The following PCDH19 variants were observed in gnomAD, a reference collection of about 807,000 sequenced individuals.
PCDH19 encodes the protein protocadherin-19.
In PCDH19, 6 loss-of-function variants were observed where a neutral mutation model predicts 46.2. The ratio of observed to expected loss-of-function variants is 0.13; its 90% confidence interval spans 0.07 to 0.26. The LOEUF (loss-of-function observed/expected upper bound fraction) is 0.26, where lower values mean the gene tolerates loss of function less well. Ranked by LOEUF, PCDH19 falls within the 10% of genes least tolerant of loss-of-function variation. The probability of loss-of-function intolerance (pLI) is 1.00; values close to 1 mark genes in which losing one functional copy is unlikely to be tolerated. For synonymous variants in PCDH19, 481 were observed against 415.7 expected, an observed-to-expected ratio of 1.16 and a Z score of -1.91; for missense variants, 740 against 972.3, an observed-to-expected ratio of 0.76 and a Z score of 3.18.
At chrX:100,389,086 A>G (rs1306266822) in intron 3 of PCDH19, among the ~76,000 whole-genome samples, 1 of 110,879 alleles carries the variant, frequency 9.0e-6, no homozygotes, top group Non-Finnish European at 1.9e-5. Context: ...CTCTTTATAT[A>G]TAAGGGTATT....
Position 100,296,748 on chromosome X carries a change from C to T in PCDH19, c.2976G>A (p.Ala992=), listed in dbSNP as rs772345040. 1.3e-5 allele frequency: 16 copies of T among 1,209,158 alleles called. No homozygotes were observed. In the African/African-American group the frequency reaches 1.8e-4, roughly 13 times the overall value. The part of the protein sequence containing the change: ...KSPEHVRNII[A]LSIEATAADV... The stretch of plus-strand genomic sequence containing the variant: ...CAGCAGCAGTAGCTTCAATAGACAG[C>T]GCGATGATGTTCCTCACATGCTCAG... Residue 992 remains alanine, a synonymous_variant, in exon 6 of 6, where the codon GCG becomes GCA. Coordinates refer to ENST00000373034, the MANE Select transcript of PCDH19 (RefSeq NM_001184880.2).
chrX:100,348,541 T>A (rs915746454), intron 4 of PCDH19, among the ~76,000 whole-genome samples: 3 of 111,865 alleles, frequency 2.7e-5, no homozygotes, highest in Non-Finnish European at 5.6e-5. Context: ...AGTTTTCAGA[T>A]GTTTCCTCTT....
chrX:100,296,986 T>G, intron 5 of PCDH19, 111 bp from the exon 6 acceptor site: 3 of 682,822 alleles, frequency 4.4e-6, no homozygotes, highest in Non-Finnish European at 7.0e-6. Flanking sequence ...GAAATGGCAC[T>G]TTTAGGTAGT....
chrX:100,403,435 G>A (rs1322616245), intron 2 of PCDH19, 89 bp downstream of exon 2: 9 of 809,069 alleles, frequency 1.1e-5, no homozygotes, highest in South Asian at 2.2e-5. Context: ...GCCCTAGCCC[G>A]GTTCCCTTTT....
intron 4 of PCDH19, among the ~76,000 whole-genome samples, chrX:100,346,092 T>A (rs1457885112): frequency 8.9e-6 from 1 of 112,076 alleles, no homozygotes; most frequent in African/African-American, 3.2e-5. Flanking sequence ...GTATTGTAAA[T>A]GCCCATGTTT....
In PCDH19 at chrX:100,408,024, C is replaced by T. The variant is rs1396965886; in HGVS notation, c.574G>A (p.Val192Met). The T allele has an allele frequency of 8.3e-7, 1 of 1,207,361 alleles. No individual in the cohort carries two copies. Among genetic ancestry groups the T allele is most frequent in the Non-Finnish European group, 1.1e-6 (1 of 895,506 alleles). ...GTCTCGCGGTCCAGGCTCTTTTCCA[C>T]CACGAGTTCGGCAAAGCGGGAGCCG... ...GDGSRFAELV[V>M]EKSLDRETQS... is the part of the protein sequence containing the mutation. The change falls in exon 1 of 6, where the codon GTG becomes ATG. Residue 192 changes from valine (V) to methionine (M), a missense_variant. Coordinates refer to ENST00000373034, the MANE Select transcript of PCDH19 (RefSeq NM_001184880.2).
At chrX:100,337,479 C>A (rs973317547) in intron 5 of PCDH19, among the ~76,000 whole-genome samples, 6 of 112,378 alleles carry the variant, frequency 5.3e-5, no homozygotes, top group Admixed American at 3.8e-4. Context: ...ATACTAAGGA[C>A]AAACTGAAAC....
intron 5 of PCDH19, among the ~76,000 whole-genome samples, chrX:100,338,009 C>A (rs923329996): frequency 1.8e-5 from 2 of 111,476 alleles, no homozygotes; most frequent in African/African-American, 6.5e-5. Context: ...ATCCAAACTT[C>A]CTAGTGACTA....
intron 5 of PCDH19, among the ~76,000 whole-genome samples, chrX:100,319,635 T>A (rs964310689): frequency 8.9e-6 from 1 of 111,875 alleles, no homozygotes; most frequent in Non-Finnish European, 1.9e-5. Flanking sequence ...AATCCTCCAC[T>A]TCATATGAAT....
rs772525617 is a variant in PCDH19 at position 100,407,653 on chromosome X, G to A, written c.945C>T (p.Asp315=). The A allele has an allele frequency of 8.2e-7, 1 of 1,212,201 alleles. No homozygotes were observed. The highest frequency in any genetic ancestry group is 1.1e-6 in the Non-Finnish European group (1 of 895,534). The change falls in exon 1 of 6, where the codon GAC becomes GAT. Residue 315 remains aspartate (D), a synonymous_variant. Transcript: ENST00000373034. Reference sequence around the variant, plus strand: ...TGGGCCCCAAGTCCTTAGCCTGCACGTCCAGTTCGTACACGTGCCCCTCTT... The same window carrying A: ...TGGGCCCCAAGTCCTTAGCCTGCACATCCAGTTCGTACACGTGCCCCTCTT... ...DYEEGHVYEL[D]VQAKDLGPNS...
In PCDH19 at chrX:100,330,273, T is replaced by TAA. The variant is rs1925837119; in HGVS notation, c.2848+11628_2848+11629dup. ...CCTCTTTTTCCTCTTTTCCATGTAT[T>TAA]AAAAGGGAAATATTCTATTGTTCAC... On this transcript the variant is annotated intron_variant, in intron 5 of 5. Transcript: ENST00000373034. 6.2e-5 allele frequency among the ~76,000 whole-genome samples: 7 copies of TAA among 112,194 alleles called. No individual in the cohort carries two copies. In the South Asian group the frequency reaches 2.6e-3, roughly 41 times the overall value.
chrX:100,404,053 G>A (rs753391069), intron 1 of PCDH19, among the ~76,000 whole-genome samples: 16 of 112,034 alleles, frequency 1.4e-4, no homozygotes, highest in Non-Finnish European at 3.0e-4. Flanking sequence ...AGCAGCAATT[G>A]CAGATCATCT....
At chrX:100,320,296 ACT>A (rs1925434650) in intron 5 of PCDH19, among the ~76,000 whole-genome samples, 1 of 111,307 alleles carries the variant, frequency 9.0e-6, no homozygotes, top group African/African-American at 3.3e-5. Context: ...TCCAATCCAA[ACT>A]CTTCATTTAC....
chrX:100,377,556 T>C (rs193089736), intron 3 of PCDH19, among the ~76,000 whole-genome samples: 85 of 112,244 alleles, frequency 7.6e-4, no homozygotes, highest in African/African-American at 2.7e-3. Context: ...AGGTGTTCAA[T>C]ACCACACAGC....
intron 5 of PCDH19, among the ~76,000 whole-genome samples, chrX:100,298,448 T>C (rs1018794355): frequency 8.9e-6 from 1 of 112,513 alleles, no homozygotes; most frequent in Non-Finnish European, 1.9e-5. Context: ...TACCTTGACA[T>C]AATTTGCCAA....
chrX:100,397,907 G>A (rs1439993062), intron 3 of PCDH19, among the ~76,000 whole-genome samples: 3 of 111,329 alleles, frequency 2.7e-5, no homozygotes. Context: ...AAAGATCTTA[G>A]CAAACTGACA....
At position 100,296,370 on chromosome X, in the gene PCDH19, G is replaced by A. The variant is rs753986660; in HGVS notation, c.3354C>T (p.Ser1118=). The stretch of plus-strand genomic sequence containing the variant: ...GGCTGACCTCATGCATGACTTTCTC[G>A]CTATCAGCTCCACGGGGCTCAGCTT... ...PSEAEPRGAD[S]EKVMHEVSPI... The change falls in exon 6 of 6, where the codon AGC becomes AGT. Residue 1118 remains serine (S), a synonymous_variant. Coordinates refer to ENST00000373034, the MANE Select transcript of PCDH19 (RefSeq NM_001184880.2). The A allele has an allele frequency of 7.4e-6, 9 of 1,209,412 alleles. No homozygotes were observed. The Admixed American group carries it at 1.1e-4, about 15-fold the overall frequency.
Position 100,407,715 on chromosome X carries a change from T to G in PCDH19, c.883A>C (p.Ser295Arg), listed in dbSNP as rs756787350. Residue 295 changes from serine (S) to arginine (R), a missense_variant, in exon 1 of 6, where the codon AGT becomes CGT. Around this residue, in one of 5 missense-constraint regions of PCDH19, gnomAD observed 186 missense variants for 319.9 expected, o/e 0.58. Transcript: ENST00000373034. ...TRELFQIDPH[S>R]GLVTVTGALD... ...GCGCCAGTGACAGTGACCAGGCCAC[T>G]GTGCGGGTCGATCTGAAAGAGCTCG... 1.6e-6 allele frequency: 2 copies of G among 1,212,398 alleles called. No individual in the cohort carries two copies. The highest frequency in any genetic ancestry group is 1.7e-5 in the African/African-American group (1 of 57,975).
At chrX:100,325,065 C>A (rs903945201) in intron 5 of PCDH19, among the ~76,000 whole-genome samples, 4 of 109,112 alleles carry the variant, frequency 3.7e-5, no homozygotes, top group African/African-American at 1.3e-4. Context: ...AAACAAAAAC[C>A]AAAAACCGGC....
Sources: allele counts gnomAD v4.1 joint callset (sites outside exome capture counted in the v4.1 genomes callset), GRCh38; gene constraint gnomAD v4.1.1; regional missense constraint gnomAD v4.1.1; transcripts MANE v1.5; gene names NCBI Gene and HGNC (gene_info 2026-07-23, HGNC 2026-07-21).